Variants in KATNIP observed in about 807,000 individuals in gnomAD.
KATNIP encodes katanin-interacting protein.
A neutral mutation model predicts 174.0 loss-of-function variants in KATNIP; 126 were observed. The ratio of observed to expected loss-of-function variants is 0.72; its 90% CI spans 0.63 to 0.84. The LOEUF (loss-of-function observed/expected upper bound fraction) is 0.84, where lower values mean the gene tolerates loss of function less well. KATNIP is among the 40% of genes least tolerant of loss of function. The pLI, the probability that KATNIP is intolerant of heterozygous loss-of-function variation, is 0.00. For missense variants in KATNIP, 1,958 were observed against 2,109.7 expected (o/e 0.93, Z 1.41); for synonymous variants, 810 against 835.7 (o/e 0.97, Z 0.53).
Position 27,637,547 on chromosome 16 carries a change from G to A in KATNIP, c.408+6385G>A, listed in dbSNP as rs1318267135. 1.3e-5 allele frequency among the ~76,000 whole-genome samples: 2 copies of A among 152,196 alleles called. No homozygotes were observed. Among genetic ancestry groups the A allele is most frequent in the South Asian group, 4.1e-4 (2 of 4,836 alleles). On this transcript the variant is annotated intron_variant, in intron 5 of 27. Transcript: ENST00000261588. This position sits in a 1 kb window ranked among gnomAD's most constrained non-coding sequence, Gnocchi z 4.7. ...GGGCAGCACAGCCTCCCAAGGGGCC[G>A]CATCGCAGCCAGGGCCTGAGAGTTA... is the stretch of plus-strand genomic sequence containing the variant.
chr16:27,712,453 GAGAA>G (rs1359784109), intron 13 of KATNIP, among the ~76,000 whole-genome samples: 1 of 152,182 alleles, frequency 6.6e-6, no homozygotes, highest in African/African-American at 2.4e-5. Context: ...TTACCAATGA[GAGAA>G]AACAAGATGC....
intron 11 of KATNIP, 130 bp from the exon 12 acceptor site, chr16:27,703,766 A>T (rs2079191456): frequency 9.9e-6 from 7 of 710,356 alleles, no homozygotes; most frequent in Admixed American, 2.2e-5. Context: ...CTTGCCTTTG[A>T]ACTGGATACA....
chr16:27,705,707 G>T (rs1049150532), intron 12 of KATNIP, among the ~76,000 whole-genome samples: 2 of 151,996 alleles, frequency 1.3e-5, no homozygotes, highest in Non-Finnish European at 2.9e-5. Context: ...ACAGGGCCTT[G>T]CTCTTTCTTC....
chr16:27,741,283 T>G (rs2081098786), intron 15 of KATNIP, among the ~76,000 whole-genome samples: 1 of 152,034 alleles, frequency 6.6e-6, no homozygotes, highest in South Asian at 2.1e-4. Context: ...ACTGTACTGT[T>G]AGAAAAATAG....
rs117015533 is a variant in KATNIP at position 27,660,797 on chromosome 16, A to G, written c.540+12062A>G. Among the ~76,000 whole-genome samples, 357 of 152,226 alleles carry G rather than the reference A, an allele frequency of 2.3e-3. 16 individuals are homozygous for G. The East Asian group carries it at 0.06, about 26-fold the overall frequency. Reference sequence around the variant, plus strand: ...GATACAGGCACACACCACCGCATCCAGCTATTGCTCTAGGTCTTTTGCAAG... The same window carrying G: ...GATACAGGCACACACCACCGCATCCGGCTATTGCTCTAGGTCTTTTGCAAG... On this transcript the variant is annotated intron_variant, in intron 6 of 27. Coordinates refer to ENST00000261588, the MANE Select transcript of KATNIP (RefSeq NM_015202.5).
chr16:27,576,924 C>T lies in KATNIP; in HGVS notation c.63+2968C>T, dbSNP rs1294726114. 2.6e-5 allele frequency among the ~76,000 whole-genome samples: 4 copies of T among 152,108 alleles called. No homozygotes were observed. In the East Asian group the frequency reaches 7.7e-4, roughly 29 times the overall value. ...CAGCGCACTCCCTGGAGGGTGAACA[C>T]GTGGTGGTGAGGTGGTGTGGCCAGT... On this transcript the variant is annotated intron_variant, in intron 2 of 27. Coordinates refer to ENST00000261588, the MANE Select transcript of KATNIP (RefSeq NM_015202.5).
At chr16:27,729,132 T>C (rs1271716886) in intron 14 of KATNIP, among the ~76,000 whole-genome samples, 1 of 152,182 alleles carries the variant, frequency 6.6e-6, no homozygotes, top group East Asian at 1.9e-4. Context: ...TAGAAGTCTT[T>C]GGCTCATGTA....
intron 1 of KATNIP, among the ~76,000 whole-genome samples, chr16:27,573,027 G>A (rs1362318024): frequency 3.3e-5 from 5 of 152,184 alleles, no homozygotes; most frequent in Non-Finnish European, 7.3e-5. Flanking sequence ...GTCCAAAGAC[G>A]TGTCTTTTCT....
chr16:27,699,623 G>C (rs2142985286), intron 10 of KATNIP, 24 bp downstream of exon 10: 2 of 1,613,822 alleles, frequency 1.2e-6, no homozygotes, highest in East Asian at 4.5e-5. Flanking sequence ...AGAGATGAAT[G>C]ACAAAGCCCC....
Position 27,740,685 on chromosome 16 carries a change from G to C in KATNIP, c.2388G>C (p.Glu796Asp). The change falls in exon 15 of 28, where the codon GAG becomes GAC. Residue 796 changes from glutamate to aspartate, a missense_variant. Around this residue, in one of 3 missense-constraint regions of KATNIP, gnomAD observed 1,557 missense variants for 1,617.8 expected, o/e 0.96. Transcript: ENST00000261588. ...GRLPSDDVIG[E>D]GPGETEARDK... The stretch of plus-strand genomic sequence containing the variant: ...TCCCATCAGACGATGTCATCGGTGA[G>C]GGTCCTGGAGAGACCGAGGCCAGGG... 1 of 1,614,194 alleles carries C rather than the reference G, an allele frequency of 6.2e-7. No homozygotes were observed. The highest frequency in any genetic ancestry group is 8.5e-7 in the Non-Finnish European group (1 of 1,180,028).
At chr16:27,665,020 G>T (rs956739435) in intron 6 of KATNIP, among the ~76,000 whole-genome samples, 2 of 152,116 alleles carry the variant, frequency 1.3e-5, no homozygotes, top group Non-Finnish European at 2.9e-5. Flanking sequence ...GAAGCCAGGG[G>T]CATCTGCACG....
At position 27,708,711 on chromosome 16, in the gene KATNIP, C is replaced by CAGAG. The variant is rs774327417; in HGVS notation, c.1398_1401dup (p.Met468GlufsTer36). 1.2e-6 allele frequency: 2 copies of CAGAG among 1,609,742 alleles called. No homozygotes were observed. The highest frequency in any genetic ancestry group is 2.2e-5 in the South Asian group (2 of 90,804). ...TATTTTTCTCTTCTTTAAGGACAAA[C>CAGAG]AGAGAATGAGGGCAGACGAGATCAA... is the stretch of plus-strand genomic sequence containing the variant. On this transcript the variant is annotated frameshift_variant, in exon 13 of 28. Transcript: ENST00000261588. LOFTEE classifies it high-confidence loss of function.
At chr16:27,713,069 A>G (rs2079655879) in intron 13 of KATNIP, among the ~76,000 whole-genome samples, 1 of 152,028 alleles carries the variant, frequency 6.6e-6, no homozygotes, top group African/African-American at 2.4e-5. Context: ...TGGCCTCCCA[A>G]AGCACTGGGA....
At chr16:27,650,303 G>T (rs1052338952) in intron 6 of KATNIP, among the ~76,000 whole-genome samples, 9 of 152,248 alleles carry the variant, frequency 5.9e-5, no homozygotes, top group African/African-American at 1.4e-4. Flanking sequence ...GAACAAGGGG[G>T]ATAAAGAATG....
chr16:27,646,145 C>T (rs2076950622), intron 5 of KATNIP, among the ~76,000 whole-genome samples: 1 of 152,182 alleles, frequency 6.6e-6, no homozygotes, highest in South Asian at 2.1e-4. Context: ...CCTCTTCACA[C>T]TGGTGTAAGC....
Position 27,776,836 on chromosome 16 carries a change from C to G in KATNIP, c.4450-92C>G, listed in dbSNP as rs1341088972. The G allele has an allele frequency of 1.1e-6, 1 of 885,802 alleles. No individual in the cohort carries two copies. The highest frequency in any genetic ancestry group is 1.9e-6 in the Non-Finnish European group (1 of 536,186). The allele number at this position is 885,802 out of a possible 1,614,324, so 54.9% of individuals were successfully genotyped here. On this transcript the variant is annotated intron_variant, in intron 24 of 27. Transcript: ENST00000261588. This position sits in a 1 kb window ranked among gnomAD's most constrained non-coding sequence, Gnocchi z 4.7. ...TGGCAGGCGCTGCCTTGGGCACCACCGCTCACCCCAGCCCACGCCTGGCAC... is the reference window on the plus strand; with the variant it reads ...TGGCAGGCGCTGCCTTGGGCACCACGGCTCACCCCAGCCCACGCCTGGCAC...
chr16:27,759,173 CA>C (rs1487795841), intron 18 of KATNIP, among the ~76,000 whole-genome samples: 1 of 152,180 alleles, frequency 6.6e-6, no homozygotes, highest in Non-Finnish European at 1.5e-5. Context: ...CAGCAGTGAA[CA>C]AAACCAGCAG....
chr16:27,592,756 T>C lies in KATNIP; in HGVS notation c.63+18800T>C, dbSNP rs573528507. On this transcript the variant is annotated intron_variant, in intron 2 of 27. Transcript: ENST00000261588. Reference sequence around the variant, plus strand: ...TTTTTAGTAGGGATGGGTTTCACCATGTTGGCCAGGCTGGTCTCGAACTCC... The same window carrying C: ...TTTTTAGTAGGGATGGGTTTCACCACGTTGGCCAGGCTGGTCTCGAACTCC... Among the ~76,000 whole-genome samples the C allele has an allele frequency of 6.6e-5, 10 of 152,264 alleles. No individual in the cohort carries two copies. In the South Asian group the frequency reaches 1.9e-3, roughly 28 times the overall value.
At chr16:27,713,826 A>ACACATATTATATATGTGTGTGTGTGTGTG (rs1567337020) in intron 13 of KATNIP, among the ~76,000 whole-genome samples, 1 of 49,700 alleles carries the variant, frequency 2.0e-5, no homozygotes, top group African/African-American at 1.1e-4. Context: ...ATATATATAT[A>ACACATATTATATATGTGTGTGTGTGTGTG]TATATATATA....
Sources: allele counts gnomAD v4.1 joint callset (sites outside exome capture counted in the v4.1 genomes callset), GRCh38; gene constraint gnomAD v4.1.1; regional missense constraint gnomAD v4.1.1; non-coding constraint Gnocchi (gnomAD v3.1); transcripts MANE v1.5; gene names NCBI Gene and HGNC (gene_info 2026-07-23, HGNC 2026-07-21).